INCENP: variants seen among roughly 807,000 people sequenced by gnomAD.
INCENP encodes the protein binds and activates aurora-B and -C in vivo and in vitro.
In INCENP, 43 loss-of-function variants were observed where a neutral mutation model predicts 107.3. The ratio of observed to expected loss-of-function variants is 0.40; its 90% CI spans 0.31 to 0.52. The LOEUF (loss-of-function observed/expected upper bound fraction) is 0.52, where lower values mean the gene tolerates loss of function less well. INCENP is among the 20% of genes least tolerant of loss of function. INCENP has a pLI of 0.53. For missense variants in INCENP, 1,089 were observed against 1,250.9 expected (o/e 0.87, Z 1.95); for synonymous variants, 488 against 494.4 (o/e 0.99, Z 0.17).
chr11:62,141,166 C>T (rs539021384), intron 10 of INCENP, 122 bp downstream of exon 10: 3 of 1,346,392 alleles, frequency 2.2e-6, no homozygotes, highest in Admixed American at 2.3e-5. Context: ...TGGCCTGGCA[C>T]TGTTAGGGGC....
intron 1 of INCENP, among the ~76,000 whole-genome samples, chr11:62,126,137 G>A (rs929926647): frequency 1.3e-5 from 2 of 152,054 alleles, no homozygotes; most frequent in Non-Finnish European, 2.9e-5. Flanking sequence ...GGATCAAGGG[G>A]TCAGCAATTT....
Position 62,130,385 on chromosome 11 carries a change from G to A in INCENP, c.858G>A (p.Leu286=), listed in dbSNP as rs759410705. 3 of 1,612,770 alleles carry A rather than the reference G, an allele frequency of 1.9e-6. No individual in the cohort carries two copies. The highest frequency in any genetic ancestry group is 2.2e-5 in the South Asian group (2 of 91,070). ...PWRERVLAPI[L]PDNFSTPTGS... ...GGGAGCGGGTGCTGGCTCCCATCCT[G>A]CCGGATAACTTCTCCACGCCCACGG... The change falls in exon 4 of 19, where the codon CTG becomes CTA. Residue 286 remains leucine (L), a synonymous_variant. Transcript: ENST00000394818.
Position 62,152,027 on chromosome 11 carries a change from GTCTGTCTGTCGGTC to G in INCENP, c.*59_*72del, listed in dbSNP as rs756469306. On this transcript the variant is annotated 3_prime_UTR_variant, in exon 19 of 19. Coordinates refer to ENST00000394818, the MANE Select transcript of INCENP (RefSeq NM_001040694.2). ...CCTCGCCTCCTGTCCATGTCTATCT[GTCTGTCTGTCGGTC>G]TCTGTCTTGGTCTGTTGCCCTCCTT... 7.2e-7 allele frequency: 1 copy of G among 1,391,814 alleles called. No individual in the cohort carries two copies. The highest frequency in any genetic ancestry group is 1.0e-6 in the Non-Finnish European group (1 of 1,000,888). 86.2% of individuals were successfully genotyped at this position (1,391,814 alleles called of 1,614,324 possible).
At chr11:62,126,774 C>A (rs764906581) in intron 1 of INCENP, among the ~76,000 whole-genome samples, 1 of 152,094 alleles carries the variant, frequency 6.6e-6, no homozygotes, top group Non-Finnish European at 1.5e-5. Context: ...ATAACCTACA[C>A]ACATCCTCCT....
At chr11:62,150,910 T>G (rs527989467) in intron 18 of INCENP, among the ~76,000 whole-genome samples, 5 of 152,278 alleles carry the variant, frequency 3.3e-5, no homozygotes, top group Admixed American at 2.6e-4. Flanking sequence ...GGGAAGGGCC[T>G]GGAATCCCAT....
chr11:62,149,947 C>T, intron 17 of INCENP, 110 bp from the exon 18 acceptor site: 1 of 1,091,228 alleles, frequency 9.2e-7, no homozygotes, highest in Non-Finnish European at 1.3e-6. Flanking sequence ...GATCCTGCAC[C>T]TTTTGTTTCT....
chr11:62,135,992 C>A (rs12798783), intron 4 of INCENP, among the ~76,000 whole-genome samples: 1 of 151,790 alleles, frequency 6.6e-6, no homozygotes, highest in Non-Finnish European at 1.5e-5. Context: ...TGTATTTCTA[C>A]TAGAGACGGG....
chr11:62,131,200 G>C (rs1941635584), intron 4 of INCENP, among the ~76,000 whole-genome samples: 1 of 152,222 alleles, frequency 6.6e-6, no homozygotes, highest in African/African-American at 2.4e-5. Context: ...GCCTGGGTCT[G>C]AGTGCCAACT....
intron 4 of INCENP, among the ~76,000 whole-genome samples, chr11:62,133,675 A>G (rs2044300794): frequency 2.0e-5 from 3 of 152,166 alleles, no homozygotes; most frequent in East Asian, 1.9e-4. Context: ...ATGTAGTCAC[A>G]TGGGCGTCTT....
At chr11:62,132,523 G>T (rs1344819637) in intron 4 of INCENP, among the ~76,000 whole-genome samples, 5 of 152,336 alleles carry the variant, frequency 3.3e-5, no homozygotes, top group Admixed American at 6.5e-5. Flanking sequence ...GATCTAAATG[G>T]TTCTGATCTG....
At chr11:62,143,683 G>T (rs1474384460) in intron 11 of INCENP, among the ~76,000 whole-genome samples, 1 of 152,176 alleles carries the variant, frequency 6.6e-6, no homozygotes, top group East Asian at 1.9e-4. Context: ...ATTTCTAGGC[G>T]AGAGTGCTCC....
intron 4 of INCENP, among the ~76,000 whole-genome samples, chr11:62,130,901 G>T (rs2134622631): frequency 6.6e-6 from 1 of 152,360 alleles, no homozygotes; most frequent in South Asian, 2.1e-4. Context: ...CAACCTACTT[G>T]CTTTACAAGT....
intron 10 of INCENP, 37 bp downstream of exon 10, chr11:62,141,081 C>T: frequency 6.3e-7 from 1 of 1,594,454 alleles, no homozygotes; most frequent in Non-Finnish European, 8.5e-7. Context: ...TTTGTGGGAG[C>T]TGGGCAGTGT....
At chr11:62,131,624 C>T (rs1408030024) in intron 4 of INCENP, among the ~76,000 whole-genome samples, 2 of 152,158 alleles carry the variant, frequency 1.3e-5, no homozygotes, top group Non-Finnish European at 2.9e-5. Context: ...GGCTCATGCT[C>T]ACACAAGAGC....
At position 62,140,706 on chromosome 11, in the gene INCENP, G is replaced by A; in HGVS notation, c.1346G>A (p.Arg449Lys). ...GPREPPQSAR[R>K]KRSYKQAVSE... ...TGCCGCCGCCCGCGCCTTGGCAGGA[G>A]GAAGCGCAGCTACAAGCAGGCCGTG... The change falls in exon 9 of 19, where the codon AGG (arginine) becomes AAG (lysine). Residue 449 changes from arginine to lysine, a missense_variant and splice_region_variant. By Grantham distance (26) the Arg-to-Lys change is conservative (BLOSUM62 2). Coordinates refer to ENST00000394818, the MANE Select transcript of INCENP (RefSeq NM_001040694.2). The A allele has an allele frequency of 6.4e-7, 1 of 1,563,456 alleles. No individual in the cohort carries two copies. Among genetic ancestry groups the A allele is most frequent in the Non-Finnish European group, 8.7e-7 (1 of 1,155,242 alleles).
At chr11:62,130,869 G>A (rs1355537296) in intron 4 of INCENP, among the ~76,000 whole-genome samples, 1 of 152,212 alleles carries the variant, frequency 6.6e-6, no homozygotes, top group Non-Finnish European at 1.5e-5. Flanking sequence ...TGGCTTCCAC[G>A]TTGGATGGTG....
chr11:62,125,844 G>T (rs1943737287), intron 1 of INCENP, among the ~76,000 whole-genome samples: 1 of 152,256 alleles, frequency 6.6e-6, no homozygotes, highest in Non-Finnish European at 1.5e-5. Flanking sequence ...CAATTGTTTA[G>T]TGGGCAGGGA....
intron 14 of INCENP, 21 bp downstream of exon 14, chr11:62,145,772 CAGGG>C: frequency 1.9e-6 from 3 of 1,548,200 alleles, no homozygotes; most frequent in Middle Eastern, 2.2e-4. Context: ...AGGTGGGCCT[CAGGG>C]AGGAGGTGGG....
rs946003305 is a variant in INCENP, at chr11:62,130,552, A to G, written c.1025A>G (p.Lys342Arg). 2 of 1,613,672 alleles carry G rather than the reference A, an allele frequency of 1.2e-6. No individual in the cohort carries two copies. Among genetic ancestry groups the G allele is most frequent in the Non-Finnish European group, 8.5e-7 (1 of 1,179,932 alleles). ...VRRASRRLAK[K>R]TAEEPAASGR... ...AGGGCGAGCAGAAGGCTTGCCAAGAAGACTGCCGAAGAGCCAGCTGCCTCT... is the reference window on the plus strand; with the variant it reads ...AGGGCGAGCAGAAGGCTTGCCAAGAGGACTGCCGAAGAGCCAGCTGCCTCT... Residue 342 changes from lysine (K) to arginine (R), a missense_variant, in exon 4 of 19, where the codon AAG becomes AGG. Coordinates refer to ENST00000394818, the MANE Select transcript of INCENP (RefSeq NM_001040694.2).
Sources: allele counts gnomAD v4.1 joint callset (sites outside exome capture counted in the v4.1 genomes callset), GRCh38; gene constraint gnomAD v4.1.1; transcripts MANE v1.5; gene names NCBI Gene and HGNC (gene_info 2026-07-23, HGNC 2026-07-21).